AGBL1: variants seen among roughly 807,000 people sequenced by gnomAD.
AGBL1 encodes AGBL carboxypeptidase 1.
Under a neutral mutation model 118.9 loss-of-function variants are expected in AGBL1, and 130 were observed. The observed-to-expected ratio is 1.09, with a 90% CI of 0.95 to 1.26. The LOEUF is 1.26. AGBL1 is among the 50% of genes most tolerant of loss of function. The pLI, the probability that AGBL1 is intolerant of heterozygous loss-of-function variation, is 0.00. For missense variants in AGBL1, 1,584 were observed against 1,298.1 expected, an observed-to-expected ratio of 1.22 and a Z score of -3.38; for synonymous variants, 555 against 478.9, an observed-to-expected ratio of 1.16 and a Z score of -2.08.
rs906002083 is a variant in AGBL1, at chr15:86,632,195, G to C, written c.2995-42078G>C. 2.7e-5 allele frequency among the ~76,000 whole-genome samples: 4 copies of C among 150,760 alleles called. No individual in the cohort carries two copies. In the East Asian group the frequency reaches 7.8e-4, roughly 29 times the overall value. On this transcript the variant is annotated intron_variant, in intron 21 of 22. Coordinates refer to ENST00000614907, the MANE Select transcript of AGBL1 (RefSeq NM_001386094.1). The stretch of plus-strand genomic sequence containing the variant: ...AGGGAGGAGGATCACTTGAGCCCAG[G>C]AGTTCCAGGCTGCAGTGAGTTATGA...
intron 17 of AGBL1, among the ~76,000 whole-genome samples, chr15:86,302,478 T>C (rs1346304717): frequency 6.6e-6 from 1 of 151,976 alleles, no homozygotes; most frequent in East Asian, 1.9e-4. Context: ...GATATGGTGC[T>C]TTGAAAATCT....
chr15:86,958,680 C>G (rs1050976630), intron 23 of AGBL1, among the ~76,000 whole-genome samples: 2 of 152,136 alleles, frequency 1.3e-5, no homozygotes, highest in Non-Finnish European at 2.9e-5. Context: ...TTTATCAGCA[C>G]TTTCTATAAA....
intron 22 of AGBL1, among the ~76,000 whole-genome samples, chr15:86,704,550 C>G (rs1019933511): frequency 6.6e-6 from 1 of 152,166 alleles, no homozygotes; most frequent in African/African-American, 2.4e-5. Flanking sequence ...CATCACTGGT[C>G]ATTAGAGAAA....
intron 22 of AGBL1, among the ~76,000 whole-genome samples, chr15:86,676,182 T>C (rs1262715444): frequency 6.6e-6 from 1 of 152,196 alleles, no homozygotes; most frequent in Non-Finnish European, 1.5e-5. Context: ...AGGATGTGAT[T>C]AATATGTCTA....
At position 86,226,540 on chromosome 15, in the gene AGBL1, T is replaced by C. The variant is rs528021356; in HGVS notation, c.526+1589T>C. Among the ~76,000 whole-genome samples, 7 of 152,334 alleles carry C rather than the reference T, an allele frequency of 4.6e-5. No individual in the cohort carries two copies. The East Asian group carries it at 1.4e-3, about 29-fold the overall frequency. ...TGAGCATCCTGATATAAATTGTACC[T>C]ACCTAGATGTGTAAAACTCTGAAAG... On this transcript the variant is annotated intron_variant, in intron 6 of 22. Coordinates refer to ENST00000614907, the MANE Select transcript of AGBL1 (RefSeq NM_001386094.1).
intron 22 of AGBL1, among the ~76,000 whole-genome samples, chr15:86,735,621 T>C (rs532963611): frequency 3.0e-4 from 44 of 148,972 alleles, no homozygotes; most frequent in Non-Finnish European, 6.1e-4. Flanking sequence ...TGTGTGTGTG[T>C]GTGTGTGTGT....
chr15:86,702,344 C>T (rs577644091), intron 22 of AGBL1, among the ~76,000 whole-genome samples: 1 of 151,996 alleles, frequency 6.6e-6, no homozygotes, highest in African/African-American at 2.4e-5. Context: ...GAGTGGAACT[C>T]TAGCAGGACA....
intron 1 of AGBL1, among the ~76,000 whole-genome samples, chr15:86,096,087 G>T (rs1196167825): frequency 6.6e-6 from 1 of 151,788 alleles, no homozygotes; most frequent in South Asian, 2.1e-4. Flanking sequence ...TTCTAGAACT[G>T]CATGTCAAAA....
intron 8 of AGBL1, 99 bp from the exon 9 acceptor site, chr15:86,257,865 G>C: frequency 8.8e-7 from 1 of 1,137,178 alleles, no homozygotes. Context: ...CCTTATTTGA[G>C]AGAGGAAGAA....
chr15:86,836,271 C>A (rs1323245204), intron 22 of AGBL1, among the ~76,000 whole-genome samples: 2 of 152,104 alleles, frequency 1.3e-5, no homozygotes, highest in African/African-American at 4.8e-5. Flanking sequence ...GAAAATAGAA[C>A]CTGATGAAAT....
intron 18 of AGBL1, among the ~76,000 whole-genome samples, chr15:86,413,428 T>C (rs1376166420): frequency 6.6e-6 from 1 of 152,178 alleles, no homozygotes; most frequent in Non-Finnish European, 1.5e-5. Flanking sequence ...AGTTCTATTT[T>C]TAGTTCTTTG....
intron 6 of AGBL1, among the ~76,000 whole-genome samples, chr15:86,226,866 T>C (rs560433984): frequency 6.6e-6 from 1 of 152,300 alleles, no homozygotes; most frequent in East Asian, 1.9e-4. Context: ...CAACTCAGAC[T>C]TGATTACATT....
chr15:86,580,336 C>T (rs1172022121), intron 21 of AGBL1, among the ~76,000 whole-genome samples: 1 of 151,882 alleles, frequency 6.6e-6, no homozygotes, highest in Admixed American at 6.6e-5. Flanking sequence ...ATACTTTTGG[C>T]TGAAAAAAGG....
chr15:86,490,189 C>T (rs1417640561), intron 18 of AGBL1, among the ~76,000 whole-genome samples: 2 of 152,046 alleles, frequency 1.3e-5, no homozygotes, highest in East Asian at 3.9e-4. Context: ...GAAGTTACTC[C>T]AGATGCAGCT....
intron 21 of AGBL1, among the ~76,000 whole-genome samples, chr15:86,620,899 G>C (rs2084793362): frequency 6.6e-6 from 1 of 151,742 alleles, no homozygotes; most frequent in Non-Finnish European, 1.5e-5. Flanking sequence ...CAAGTCGCCT[G>C]CGTGCTTTGA....
chr15:86,281,554 T>C (rs1425611856), intron 16 of AGBL1, among the ~76,000 whole-genome samples: 1 of 152,332 alleles, frequency 6.6e-6, no homozygotes, highest in African/African-American at 2.4e-5. Context: ...ATAAGGTTCC[T>C]GGTGGCCATT....
intron 21 of AGBL1, among the ~76,000 whole-genome samples, chr15:86,601,807 G>A (rs1455537648): frequency 6.6e-6 from 1 of 151,964 alleles, no homozygotes; most frequent in African/African-American, 2.4e-5. Flanking sequence ...GGTGGTTTAG[G>A]CAAATTATCA....
intron 1 of AGBL1, among the ~76,000 whole-genome samples, chr15:86,090,663 C>G (rs975050098): frequency 1.3e-5 from 2 of 152,076 alleles, no homozygotes; most frequent in African/African-American, 4.8e-5. Flanking sequence ...TTGGGCTTGA[C>G]TTTGTTTATG....
chr15:86,525,345 G>A (rs1365175619), intron 19 of AGBL1, among the ~76,000 whole-genome samples: 1 of 152,080 alleles, frequency 6.6e-6, no homozygotes, highest in Non-Finnish European at 1.5e-5. Flanking sequence ...CAGATTTAAT[G>A]CAATTCCTAT....
Sources: gnomAD v4.1 joint callset for allele counts (sites outside exome capture counted in the v4.1 genomes callset) on GRCh38, gnomAD v4.1.1 for gene constraint, MANE v1.5 for transcripts, NCBI Gene and HGNC (gene_info 2026-07-23, HGNC 2026-07-21) for gene names.